ZNF503: variants seen among roughly 807,000 people sequenced by gnomAD.
The protein encoded by ZNF503 is NocA-like zinc finger 2.
A neutral mutation model predicts 34.4 loss-of-function variants in ZNF503; 15 were observed. The ratio of observed to expected loss-of-function variants is 0.44; its 90% CI spans 0.29 to 0.67. The LOEUF is 0.67. Among genes scored for constraint, ZNF503 ranks in the 30% least tolerant of loss-of-function variants. The pLI is 0.13. For synonymous variants in ZNF503, 580 were observed against 456.8 expected (o/e 1.27, Z -3.44); for missense variants, 1,007 against 926.8 (o/e 1.09, Z -1.12).
At chr10:75,299,628 G>C in the ZNF503 span, among the ~76,000 whole-genome samples, 1 of 152,088 alleles carries the variant, frequency 6.6e-6, no homozygotes, top group Non-Finnish European at 1.5e-5. Flanking sequence ...AATATTTCAC[G>C]TAGGTTCTTT....
At chr10:75,360,270 G>A in the ZNF503 span, among the ~76,000 whole-genome samples, 22 of 147,604 alleles carry the variant, frequency 1.5e-4, no homozygotes, top group African/African-American at 3.9e-4. Flanking sequence ...ACAGGCGCCC[G>A]CCACCACGCC....
At chr10:75,294,864 G>T in the ZNF503 span, among the ~76,000 whole-genome samples, 1 of 152,064 alleles carries the variant, frequency 6.6e-6, no homozygotes, top group African/African-American at 2.4e-5. Flanking sequence ...CGCGATGATT[G>T]ATGCGGGCCC....
chr10:75,381,175 C>A, the ZNF503 span, among the ~76,000 whole-genome samples: 594 of 152,296 alleles, frequency 3.9e-3, 5 homozygotes, highest in African/African-American at 0.014. Flanking sequence ...GTAAGAGGAA[C>A]TGTTGTGGCA....
rs1319357568 is a variant in ZNF503 at position 75,398,557 on chromosome 10, G to C, written c.*192C>G. On this transcript the variant is annotated 3_prime_UTR_variant, in exon 2 of 2. Coordinates refer to ENST00000372524, the MANE Select transcript of ZNF503 (RefSeq NM_032772.6). ...GTTTGGGTGGGGAGGTGAAAGTGGGGAGAAGGGGAGTGTCCCACCGGGTCT... is the reference window on the plus strand; with the variant it reads ...GTTTGGGTGGGGAGGTGAAAGTGGGCAGAAGGGGAGTGTCCCACCGGGTCT... 1 of 424,444 alleles carries C rather than the reference G, an allele frequency of 2.4e-6. No individual in the cohort carries two copies. Among genetic ancestry groups the C allele is most frequent in the Non-Finnish European group, 4.0e-6 (1 of 250,616 alleles). The allele number at this position is 424,444 out of a possible 1,614,324, so 26.3% of individuals were successfully genotyped here.
At chr10:75,355,164 G>A in the ZNF503 span, among the ~76,000 whole-genome samples, 4 of 152,192 alleles carry the variant, frequency 2.6e-5, no homozygotes, top group Non-Finnish European at 4.4e-5. Flanking sequence ...TATTCGTGAA[G>A]CCAAAGCTTC....
the ZNF503 span, among the ~76,000 whole-genome samples, chr10:75,302,292 G>A: frequency 6.6e-6 from 1 of 152,016 alleles, no homozygotes; most frequent in Non-Finnish European, 1.5e-5. Context: ...GCTTTCAAGG[G>A]TTTTTCTTTG....
rs566845758 is a variant in ZNF503, at chr10:75,398,475, A to G, written c.*274T>C. ...TCCTCAGATGAACACTTTCTCAATT[A>G]TTTTTTCCTTTTTTTTTCTATAAAA... On this transcript the variant is annotated 3_prime_UTR_variant, in exon 2 of 2. Coordinates refer to ENST00000372524, the MANE Select transcript of ZNF503 (RefSeq NM_032772.6). 1 of 348,722 alleles carries G rather than the reference A, an allele frequency of 2.9e-6. No homozygotes were observed. The highest frequency in any genetic ancestry group is 1.5e-4 in the South Asian group (1 of 6,642). 21.6% of individuals were successfully genotyped at this position (348,722 alleles called of 1,614,324 possible). A position where few individuals can be genotyped will look rare whatever the true frequency, so the allele number is the denominator to read the frequency against.
the ZNF503 span, among the ~76,000 whole-genome samples, chr10:75,352,522 CG>C: frequency 6.6e-6 from 1 of 152,144 alleles, no homozygotes; most frequent in Non-Finnish European, 1.5e-5. Flanking sequence ...TCCCAAGGTT[CG>C]GTGAAGACTT....
At chr10:75,315,157 C>T in the ZNF503 span, among the ~76,000 whole-genome samples, 4 of 152,052 alleles carry the variant, frequency 2.6e-5, no homozygotes, top group African/African-American at 9.7e-5. Context: ...GCCAAGAATT[C>T]GAGACCAGCC....
the ZNF503 span, among the ~76,000 whole-genome samples, chr10:75,322,947 A>G: frequency 2.0e-4 from 31 of 152,142 alleles, no homozygotes; most frequent in Non-Finnish European, 3.7e-4. Context: ...ACATACAGTA[A>G]ATTTTATTCT....
At chr10:75,319,586 TA>T in the ZNF503 span, among the ~76,000 whole-genome samples, 3 of 152,124 alleles carry the variant, frequency 2.0e-5, no homozygotes, top group African/African-American at 7.2e-5. Context: ...AGAAAAGAGA[TA>T]AAAAATAGAA....
chr10:75,389,461 G>T, the ZNF503 span, among the ~76,000 whole-genome samples: 1 of 152,172 alleles, frequency 6.6e-6, no homozygotes. Flanking sequence ...CAGGCGCAGT[G>T]GCTCATGTCT....
the ZNF503 span, chr10:75,382,482 G>T: frequency 1.4e-6 from 1 of 711,608 alleles, no homozygotes; most frequent in South Asian, 1.5e-5. Flanking sequence ...AAGGCAGCCT[G>T]GATTTTGACA....
the ZNF503 span, among the ~76,000 whole-genome samples, chr10:75,282,944 G>T: frequency 1.3e-5 from 2 of 152,356 alleles, no homozygotes; most frequent in Admixed American, 1.3e-4. Flanking sequence ...CCTCCAAACT[G>T]TCAGGTTGCC....
chr10:75,325,862 CTTT>C, the ZNF503 span, among the ~76,000 whole-genome samples: 262 of 145,918 alleles, frequency 1.8e-3, 1 homozygote, highest in East Asian at 0.021. Flanking sequence ...AATGGTATTG[CTTT>C]TTTTTTTTTT....
At chr10:75,351,895 T>TG in the ZNF503 span, among the ~76,000 whole-genome samples, 803 of 152,246 alleles carry the variant, frequency 5.3e-3, 6 homozygotes, top group African/African-American at 0.017. Context: ...CTTCCCCATT[T>TG]TACAAATGGG....
the ZNF503 span, among the ~76,000 whole-genome samples, chr10:75,344,690 CTATT>C: frequency 6.6e-6 from 1 of 152,218 alleles, no homozygotes; most frequent in East Asian, 1.9e-4. Flanking sequence ...GAATACATCT[CTATT>C]TGTTTAGGCC....
the ZNF503 span, among the ~76,000 whole-genome samples, chr10:75,323,190 A>G: frequency 6.6e-6 from 1 of 152,152 alleles, no homozygotes; most frequent in African/African-American, 2.4e-5. Flanking sequence ...ATGTTGTATG[A>G]ATCGATAGTT....
chr10:75,385,886 A>G, the ZNF503 span, among the ~76,000 whole-genome samples: 1 of 152,116 alleles, frequency 6.6e-6, no homozygotes, highest in Non-Finnish European at 1.5e-5. Flanking sequence ...CCTTGGGTAC[A>G]CATCACTCAC....
Sources: allele counts gnomAD v4.1 joint callset (sites outside exome capture counted in the v4.1 genomes callset), GRCh38; gene constraint gnomAD v4.1.1; transcripts MANE v1.5; gene names NCBI Gene and HGNC (gene_info 2026-07-23, HGNC 2026-07-21).